CNTLN: variants seen among roughly 807,000 people sequenced by gnomAD.
The protein encoded by CNTLN is centlein.
A neutral mutation model predicts 180.0 loss-of-function variants in CNTLN; 212 were observed. The observed-to-expected ratio is 1.18, with a 90% CI of 1.05 to 1.32. The LOEUF (loss-of-function observed/expected upper bound fraction) is 1.32. CNTLN is among the 40% of genes most tolerant of loss of function. The probability of loss-of-function intolerance (pLI) is 0.00; values close to 1 mark genes in which losing one functional copy is unlikely to be tolerated. For synonymous variants in CNTLN, 722 were observed against 563.1 expected (o/e 1.28, Z -3.99); for missense variants, 2,095 against 1,610.9 (o/e 1.30, Z -5.14).
intron 2 of CNTLN, among the ~76,000 whole-genome samples, chr9:17,216,137 A>T (rs1168446403): frequency 6.6e-6 from 1 of 151,980 alleles, no homozygotes; most frequent in African/African-American, 2.4e-5. Flanking sequence ...CCATCTTCTG[A>T]GTTGCTCACT....
chr9:17,274,568 T>C (rs146816486), intron 6 of CNTLN, among the ~76,000 whole-genome samples: 5 of 152,098 alleles, frequency 3.3e-5, no homozygotes, highest in African/African-American at 1.2e-4. Flanking sequence ...TTTGTATTTA[T>C]TTTGCATGCA....
chr9:17,358,373 A>G (rs1823018894), intron 12 of CNTLN, among the ~76,000 whole-genome samples: 2 of 152,236 alleles, frequency 1.3e-5, no homozygotes, highest in African/African-American at 2.4e-5. Context: ...GAATAACAGT[A>G]TATATACTAT....
chr9:17,219,647 C>G (rs1204428079), intron 2 of CNTLN, among the ~76,000 whole-genome samples: 1 of 151,926 alleles, frequency 6.6e-6, no homozygotes, highest in Non-Finnish European at 1.5e-5. Context: ...GATTAATCTA[C>G]TGGGAAGTGT....
chr9:17,263,024 A>C (rs1220708721), intron 5 of CNTLN, among the ~76,000 whole-genome samples: 1 of 151,096 alleles, frequency 6.6e-6, no homozygotes, highest in Non-Finnish European at 1.5e-5. Flanking sequence ...AATTTATCTA[A>C]AGGTTTATCA....
At chr9:17,384,964 G>A (rs1316533046) in intron 13 of CNTLN, among the ~76,000 whole-genome samples, 1 of 152,170 alleles carries the variant, frequency 6.6e-6, no homozygotes, top group African/African-American at 2.4e-5. Flanking sequence ...CTCCATTTTA[G>A]ATCCCAGTCA....
At position 17,273,801 on chromosome 9, in the gene CNTLN, A is replaced by G. The variant is rs372098194; in HGVS notation, c.918A>G (p.Leu306=). 3.7e-5 allele frequency: 58 copies of G among 1,575,362 alleles called. No individual in the cohort carries two copies. The highest frequency in any genetic ancestry group is 4.7e-5 in the South Asian group (4 of 84,798). Residue 306 remains leucine (L), a synonymous_variant, in exon 6 of 26, where the codon CTA becomes CTG. Transcript: ENST00000380647. ...TATCACAGAGTAAATACAATGCTCT[A>G]TCATTACAGTTGAGTAATAAACAGA... ...VEVSQSKYNA[L]SLQLSNKQTE...
chr9:17,275,136 T>C (rs199762728), intron 6 of CNTLN, among the ~76,000 whole-genome samples: 2 of 152,118 alleles, frequency 1.3e-5, no homozygotes, highest in East Asian at 3.9e-4. Flanking sequence ...AAAATTATTA[T>C]TTATTCTTAT....
intron 6 of CNTLN, among the ~76,000 whole-genome samples, chr9:17,279,954 A>G (rs1828563886): frequency 1.3e-5 from 2 of 151,782 alleles, no homozygotes; most frequent in South Asian, 4.2e-4. Flanking sequence ...CTGAGCTAGT[A>G]TGCTCAGCTT....
intron 7 of CNTLN, among the ~76,000 whole-genome samples, chr9:17,302,316 G>T (rs962466131): frequency 1.3e-5 from 2 of 151,522 alleles, no homozygotes; most frequent in Admixed American, 1.3e-4. Context: ...CCCCACCTTA[G>T]CCTCCCCAGT....
the CNTLN span, among the ~76,000 whole-genome samples, chr9:17,527,867 G>A: frequency 6.6e-6 from 1 of 152,058 alleles, no homozygotes; most frequent in Non-Finnish European, 1.5e-5. Flanking sequence ...ATCCTGCATT[G>A]ATGGGGGTGT....
At chr9:17,480,319 A>G (rs1246267112) in intron 23 of CNTLN, among the ~76,000 whole-genome samples, 2 of 151,408 alleles carry the variant, frequency 1.3e-5, no homozygotes, top group Non-Finnish European at 2.9e-5. Flanking sequence ...GCTAAGAAAA[A>G]GAAGATATAG....
chr9:17,339,078 G>C (rs577819585), intron 10 of CNTLN, among the ~76,000 whole-genome samples: 1 of 152,196 alleles, frequency 6.6e-6, no homozygotes, highest in Non-Finnish European at 1.5e-5. Context: ...GAATGCCTTT[G>C]TCAACTGAAT....
intron 23 of CNTLN, among the ~76,000 whole-genome samples, chr9:17,468,217 C>T (rs1831857688): frequency 6.6e-6 from 1 of 151,524 alleles, no homozygotes; most frequent in Non-Finnish European, 1.5e-5. Context: ...AAGAAGGCAA[C>T]AATAGACATC....
Position 17,135,508 on chromosome 9 carries a change from T to A in CNTLN, c.360+83T>A, listed in dbSNP as rs996025638. The A allele has an allele frequency of 2.7e-6, 4 of 1,472,290 alleles. No homozygotes were observed. In the East Asian group the frequency reaches 7.4e-5, roughly 27 times the overall value. The allele number at this position is 1,472,290 out of a possible 1,614,324, so 91.2% of individuals were successfully genotyped here. A position where few individuals can be genotyped will look rare whatever the true frequency, so the allele number is the denominator to read the frequency against. On this transcript the variant is annotated intron_variant, in intron 1 of 25. Coordinates refer to ENST00000380647, the MANE Select transcript of CNTLN (RefSeq NM_017738.4). ...GGAGGCGCGCCTTTCTCCCTCTGCCTTGGGACCTACCCCGCCCAGCGACGC... is the reference window on the plus strand; with the variant it reads ...GGAGGCGCGCCTTTCTCCCTCTGCCATGGGACCTACCCCGCCCAGCGACGC...
chr9:17,218,115 A>G (rs559084232), intron 2 of CNTLN, among the ~76,000 whole-genome samples: 3 of 152,154 alleles, frequency 2.0e-5, no homozygotes, highest in East Asian at 1.9e-4. Context: ...TCGTTTGCCA[A>G]CTTCTCCAGC....
chr9:17,425,630 T>C (rs922085654), intron 18 of CNTLN, among the ~76,000 whole-genome samples: 15 of 152,126 alleles, frequency 9.9e-5, no homozygotes. Flanking sequence ...ATTTTTGAGG[T>C]GCATGCTGGA....
At chr9:17,484,575 T>A in intron 24 of CNTLN, 95 bp downstream of exon 24, 1 of 989,728 alleles carries the variant, frequency 1.0e-6, no homozygotes. Context: ...GAATTTCATC[T>A]TTAAGAGAGT....
At chr9:17,291,009 C>G (rs933039484) in intron 6 of CNTLN, among the ~76,000 whole-genome samples, 10 of 152,150 alleles carry the variant, frequency 6.6e-5, no homozygotes, top group African/African-American at 2.4e-4. Flanking sequence ...GGAGCTGTTC[C>G]TATTCGGCCA....
At chr9:17,387,460 T>G (rs936478593) in intron 13 of CNTLN, among the ~76,000 whole-genome samples, 2 of 152,192 alleles carry the variant, frequency 1.3e-5, no homozygotes, top group Non-Finnish European at 2.9e-5. Context: ...GATTTTAGTA[T>G]TAACTGAAGT....
Sources: gnomAD v4.1 joint callset for allele counts (sites outside exome capture counted in the v4.1 genomes callset) on GRCh38, gnomAD v4.1.1 for gene constraint, MANE v1.5 for transcripts, NCBI Gene and HGNC (gene_info 2026-07-23, HGNC 2026-07-21) for gene names.